LRRC4C: variants seen among roughly 807,000 people sequenced by gnomAD.
LRRC4C encodes the protein leucine-rich repeat-containing protein 4C.
LRRC4C carries 5 observed loss-of-function variants against 33.6 expected under a neutral mutation model. The observed-to-expected ratio is 0.15, with a 90% CI of 0.08 to 0.31. The LOEUF (loss-of-function observed/expected upper bound fraction) is 0.31. Ranked by LOEUF, LRRC4C falls within the 10% of genes least tolerant of loss-of-function variation. LRRC4C has a pLI of 1.00. For missense variants in LRRC4C, 560 were observed against 796.7 expected (o/e 0.70, Z 3.58); for synonymous variants, 329 against 302.0 (o/e 1.09, Z -0.93).
Position 41,316,262 on chromosome 11 carries a change from C to CAAAAAAAAA in LRRC4C, c.-496+143160_-496+143168dup, listed in dbSNP as rs60671406. On this transcript the variant is annotated intron_variant, in intron 1 of 6. Transcript: ENST00000528697. The stretch of plus-strand genomic sequence containing the variant: ...GAAACCAGTAAAAATCTCTGGATGG[C>CAAAAAAAAA]AAAAAAAAAAAAAAAAACAAAAAAA... Among the ~76,000 whole-genome samples the CAAAAAAAAA allele has an allele frequency of 3.6e-4, 28 of 78,012 alleles. 1 individual carries two copies. Among genetic ancestry groups the CAAAAAAAAA allele is most frequent in the East Asian group, 1.9e-3 (3 of 1,584 alleles). 51.2% of individuals were successfully genotyped at this position (78,012 alleles called of 152,430 possible). A position where few individuals can be genotyped will look rare whatever the true frequency, so the allele number is the denominator to read the frequency against.
At chr11:40,586,101 G>C (rs1402782701) in intron 3 of LRRC4C, among the ~76,000 whole-genome samples, 2 of 147,096 alleles carry the variant, frequency 1.4e-5, no homozygotes, top group Admixed American at 6.8e-5. Flanking sequence ...CAGTGTAAAA[G>C]TGTTCCTATT....
intron 3 of LRRC4C, among the ~76,000 whole-genome samples, chr11:40,439,768 G>C (rs1000199244): frequency 2.0e-5 from 3 of 152,072 alleles, no homozygotes; most frequent in African/African-American, 7.2e-5. Flanking sequence ...TTCTTTAAAT[G>C]CCTATGTGAA....
In LRRC4C at chr11:40,395,647, T is replaced by C. The variant is rs577755545; in HGVS notation, c.-269-75926A>G. Among the ~76,000 whole-genome samples the C allele has an allele frequency of 3.3e-5, 5 of 152,264 alleles. No individual in the cohort carries two copies. In the East Asian group the frequency reaches 7.7e-4, roughly 23 times the overall value. On this transcript the variant is annotated intron_variant, in intron 3 of 6. Transcript: ENST00000528697. ...TAAAAATGGGAATCCAACTTTTTTG[T>C]GTGTGCTATTCAATTGCTTAAAAAT... is the stretch of plus-strand genomic sequence containing the variant.
At chr11:40,154,961 T>C (rs1205554966) in intron 5 of LRRC4C, among the ~76,000 whole-genome samples, 6 of 152,038 alleles carry the variant, frequency 3.9e-5, no homozygotes, top group Non-Finnish European at 7.4e-5. Context: ...GGCCATAAAA[T>C]GAGCCTCAAT....
chr11:40,509,259 A>G (rs1955187248), intron 3 of LRRC4C, among the ~76,000 whole-genome samples: 1 of 152,202 alleles, frequency 6.6e-6, no homozygotes, highest in Non-Finnish European at 1.5e-5. Context: ...TAAGCAATGC[A>G]TCTACAGTGT....
intron 1 of LRRC4C, among the ~76,000 whole-genome samples, chr11:41,374,098 C>G (rs1057508366): frequency 2.0e-5 from 3 of 152,134 alleles, no homozygotes; most frequent in African/African-American, 7.2e-5. Flanking sequence ...TTGATGACTT[C>G]CCCCAAACTT....
intron 3 of LRRC4C, among the ~76,000 whole-genome samples, chr11:40,394,121 G>T (rs1949445076): frequency 6.6e-6 from 1 of 152,066 alleles, no homozygotes; most frequent in Admixed American, 6.6e-5. Flanking sequence ...AATGTTGGGG[G>T]TATGTATGGA....
chr11:40,180,542 C>A (rs1232620092), intron 5 of LRRC4C, among the ~76,000 whole-genome samples: 1 of 152,156 alleles, frequency 6.6e-6, no homozygotes, highest in Admixed American at 6.5e-5. Flanking sequence ...CACTGAGGGA[C>A]TACATAAAAG....
chr11:41,437,762 G>T (rs1034471474), intron 1 of LRRC4C, among the ~76,000 whole-genome samples: 3 of 152,186 alleles, frequency 2.0e-5, no homozygotes, highest in African/African-American at 7.2e-5. Context: ...TATGGGCTGG[G>T]TGCCCTGGCT....
chr11:40,602,224 G>A (rs1383683824), intron 3 of LRRC4C, among the ~76,000 whole-genome samples: 1 of 150,034 alleles, frequency 6.7e-6, no homozygotes, highest in African/African-American at 2.5e-5. Flanking sequence ...AAAAAAAGAG[G>A]TATGTGAACT....
At chr11:40,329,446 T>TA (rs1419627214) in intron 3 of LRRC4C, among the ~76,000 whole-genome samples, 2 of 152,160 alleles carry the variant, frequency 1.3e-5, no homozygotes, top group Non-Finnish European at 2.9e-5. Context: ...GTTGAGTCTG[T>TA]AGAAAGCAAA....
chr11:40,727,628 T>C (rs1947348713), intron 2 of LRRC4C, among the ~76,000 whole-genome samples: 1 of 152,084 alleles, frequency 6.6e-6, no homozygotes, highest in African/African-American at 2.4e-5. Context: ...GCATATAAAA[T>C]GGGAGGATAT....
chr11:40,588,587 C>A (rs1286335893), intron 3 of LRRC4C, among the ~76,000 whole-genome samples: 1 of 151,660 alleles, frequency 6.6e-6, no homozygotes, highest in African/African-American at 2.4e-5. Flanking sequence ...AATTTTGGAT[C>A]TTTCCTGCTT....
chr11:40,317,904 AAGG>A (rs1486610320), intron 4 of LRRC4C, among the ~76,000 whole-genome samples: 3 of 152,148 alleles, frequency 2.0e-5, no homozygotes, highest in African/African-American at 7.2e-5. Flanking sequence ...ACCTGGTAGC[AAGG>A]AGTAGACTCT....
intron 3 of LRRC4C, among the ~76,000 whole-genome samples, chr11:40,397,489 T>C (rs1390444185): frequency 6.6e-6 from 1 of 152,152 alleles, no homozygotes; most frequent in Non-Finnish European, 1.5e-5. Flanking sequence ...GTACCAACAT[T>C]GTCATCTCTC....
intron 4 of LRRC4C, among the ~76,000 whole-genome samples, chr11:40,255,111 G>A (rs973173050): frequency 6.6e-6 from 1 of 152,178 alleles, no homozygotes; most frequent in East Asian, 1.9e-4. Flanking sequence ...CTAAAAATGA[G>A]TAAATTTTCT....
chr11:40,422,052 C>T (rs923615309), intron 3 of LRRC4C, among the ~76,000 whole-genome samples: 2 of 152,110 alleles, frequency 1.3e-5, no homozygotes, highest in African/African-American at 4.8e-5. Flanking sequence ...TAAATTCTGC[C>T]CAGTTAATGC....
At chr11:41,297,810 A>G (rs562409270) in intron 1 of LRRC4C, among the ~76,000 whole-genome samples, 1 of 152,324 alleles carries the variant, frequency 6.6e-6, no homozygotes, top group East Asian at 1.9e-4. Flanking sequence ...TTTAATGTAT[A>G]GATAGATCAG....
At chr11:40,793,381 T>C (rs1950704481) in intron 2 of LRRC4C, among the ~76,000 whole-genome samples, 2 of 152,164 alleles carry the variant, frequency 1.3e-5, no homozygotes, top group African/African-American at 4.8e-5. Flanking sequence ...CTTCCTGGTA[T>C]AAAAAGTAGT....
Sources: allele counts gnomAD v4.1 joint callset (sites outside exome capture counted in the v4.1 genomes callset), GRCh38; gene constraint gnomAD v4.1.1; transcripts MANE v1.5; gene names NCBI Gene and HGNC (gene_info 2026-07-23, HGNC 2026-07-21).